Variants in REST observed in about 807,000 individuals in gnomAD.
REST encodes RE1 silencing transcription factor.
REST carries 1 observed loss-of-function variant against 30.4 expected under a neutral mutation model. That is an observed-to-expected ratio of 0.03 (90% CI 0.01 to 0.16). The LOEUF is 0.16. Ranked by LOEUF, REST falls within the 10% of genes least tolerant of loss-of-function variation. REST has a pLI of 1.00. For synonymous variants in REST, 504 were observed against 451.1 expected, an observed-to-expected ratio of 1.12 and a Z score of -1.49; for missense variants, 1,259 against 1,329.5, an observed-to-expected ratio of 0.95 and a Z score of 0.82.
rs1719861239 is a variant in REST at position 56,910,866 on chromosome 4, G to C, written c.228G>C (p.Leu76=). 1.2e-6 allele frequency: 2 copies of C among 1,614,092 alleles called. No individual in the cohort carries two copies. Among genetic ancestry groups the C allele is most frequent in the Admixed American group, 1.7e-5 (1 of 60,000 alleles). Residue 76 remains leucine, a synonymous_variant, in exon 2 of 4, where the codon CTG becomes CTC. Coordinates refer to ENST00000309042, the MANE Select transcript of REST (RefSeq NM_005612.5). ...LVGEERQMAE[L]MPVGDNNFSD... ...GTGAAGAAAGACAGATGGCAGAACT[G>C]ATGCCGGTTGGGGATAACAACTTTT...
At chr4:56,922,270 A>T (rs2109552375) in intron 3 of REST, 1 of 138,744 alleles carries the variant, frequency 7.2e-6, no homozygotes, top group East Asian at 2.1e-4. Flanking sequence ...AATATTTGAG[A>T]GCTTTGTATT....
At position 56,911,074 on chromosome 4, in the gene REST, G is replaced by A; in HGVS notation, c.436G>A (p.Gly146Arg). The change falls in exon 2 of 4, where the codon GGA becomes AGA. Residue 146 changes from glycine to arginine, a missense_variant. Transcript: ENST00000309042. ...SNKDLPPETPGAEDKGKSSKT... is the reference protein window; with the variant it reads ...SNKDLPPETPRAEDKGKSSKT... ...TAAAGATCTTCCCCCTGAAACACCT[G>A]GAGCGGAGGACAAAGGCAAGAGCTC... 1 of 1,614,176 alleles carries A rather than the reference G, an allele frequency of 6.2e-7. No individual in the cohort carries two copies. Among genetic ancestry groups the A allele is most frequent in the Non-Finnish European group, 8.5e-7 (1 of 1,180,024 alleles).
At chr4:56,925,445 C>T (rs186292019) in intron 3 of REST, among the ~76,000 whole-genome samples, 1 of 152,176 alleles carries the variant, frequency 6.6e-6, no homozygotes, top group East Asian at 1.9e-4. Context: ...CTCCTTAGCT[C>T]AAGCAATCTT....
intron 2 of REST, 189 bp downstream of exon 2, chr4:56,911,725 G>T: frequency 1.7e-6 from 1 of 592,956 alleles, no homozygotes; most frequent in East Asian, 2.8e-5. Flanking sequence ...CAATATCTAG[G>T]TTGGGAGGAT....
Position 56,931,578 on chromosome 4 carries a change from C to G in REST, c.2720C>G (p.Pro907Arg), listed in dbSNP as rs1037391182. Residue 907 changes from proline (P) to arginine (R), a missense_variant, in exon 4 of 4, where the codon CCT (proline) becomes CGT (arginine). Physicochemically the swap from Pro to Arg is moderately radical, Grantham distance 103 (BLOSUM62 -2). This residue lies in a region of REST where 856 missense variants were observed against 772.8 expected (regional missense o/e 1.11). Transcript: ENST00000309042. ...GCAGAAGAGGCAGATGAGAGCCTAC[C>G]TGGTCTTGCTGCTAATATCAACGAA... ...VGAEEADESLPGLAANINEST... is the reference protein window; with the variant it reads ...VGAEEADESLRGLAANINEST... The G allele has an allele frequency of 1.2e-6, 2 of 1,614,226 alleles. No individual in the cohort carries two copies. The highest frequency in any genetic ancestry group is 1.7e-6 in the Non-Finnish European group (2 of 1,180,046).
At chr4:56,908,432 T>G (rs2109516022) in intron 1 of REST, among the ~76,000 whole-genome samples, 1 of 149,972 alleles carries the variant, frequency 6.7e-6, no homozygotes, top group Non-Finnish European at 1.5e-5. Context: ...GCTGGGGGCG[T>G]TTGTTGGGAG....
intron 3 of REST, among the ~76,000 whole-genome samples, chr4:56,920,288 G>A (rs376520340): frequency 6.6e-6 from 1 of 151,298 alleles, no homozygotes; most frequent in African/African-American, 2.4e-5. Context: ...TGAAATGAAG[G>A]TTTGTTCTGT....
chr4:56,911,353 A>T lies in REST; in HGVS notation c.715A>T (p.Thr239Ser). 2 of 1,614,150 alleles carry T rather than the reference A, an allele frequency of 1.2e-6. No individual in the cohort carries two copies. The highest frequency in any genetic ancestry group is 1.7e-6 in the Non-Finnish European group (2 of 1,180,036). ...DHYTAHLKHH[T>S]RAGDNERVYK... is the part of the protein sequence containing the mutation. ...CTATACAGCACACCTGAAACACCAC[A>T]CCAGAGCTGGGGATAATGAGCGAGT... Residue 239 changes from threonine to serine, a missense_variant, in exon 2 of 4, where the codon ACC becomes TCC. Coordinates refer to ENST00000309042, the MANE Select transcript of REST (RefSeq NM_005612.5).
chr4:56,914,622 A>G (rs1379688600), intron 2 of REST, among the ~76,000 whole-genome samples: 2 of 152,216 alleles, frequency 1.3e-5, no homozygotes, highest in South Asian at 2.1e-4. Flanking sequence ...CTTACCTACA[A>G]TATCTTAAAT....
intron 2 of REST, among the ~76,000 whole-genome samples, chr4:56,913,945 G>T (rs571255753): frequency 4.1e-5 from 6 of 146,366 alleles, no homozygotes; most frequent in Non-Finnish European, 6.0e-5. Flanking sequence ...CGCCTGGCCA[G>T]TTTTTTTTTT....
Position 56,911,546 on chromosome 4 carries a change from G to C in REST, c.898+10G>C, listed in dbSNP as rs1378556487. 2.5e-6 allele frequency: 4 copies of C among 1,600,424 alleles called. No individual in the cohort carries two copies. The highest frequency in any genetic ancestry group is 2.6e-6 in the Non-Finnish European group (3 of 1,170,414). Reference sequence around the variant, plus strand: ...GTTAGAACTCATACAGGTAAGAGAAGCTTTCTAGTCCATAAGTTCAGTTCT... The same window carrying C: ...GTTAGAACTCATACAGGTAAGAGAACCTTTCTAGTCCATAAGTTCAGTTCT... On this transcript the variant is annotated intron_variant, in intron 2 of 3. Coordinates refer to ENST00000309042, the MANE Select transcript of REST (RefSeq NM_005612.5).
intron 2 of REST, among the ~76,000 whole-genome samples, chr4:56,917,597 G>A (rs1472230876): frequency 6.6e-6 from 1 of 152,220 alleles, no homozygotes; most frequent in Non-Finnish European, 1.5e-5. Context: ...GCCAGACACA[G>A]TGTTAAATGC....
At chr4:56,919,755 T>G (rs773945056) in intron 2 of REST, 32 bp from the exon 3 acceptor site, 3 of 1,363,448 alleles carry the variant, frequency 2.2e-6, no homozygotes, top group Non-Finnish European at 3.1e-6. Context: ...TTCGTGACAT[T>G]TAAACACTCT....
intron 3 of REST, among the ~76,000 whole-genome samples, chr4:56,923,697 C>G (rs1720553584): frequency 6.6e-6 from 1 of 151,420 alleles, no homozygotes; most frequent in Admixed American, 6.6e-5. Context: ...CCGCGCCTGG[C>G]TGGAACTATT....
At chr4:56,918,229 T>A (rs547623850) in intron 2 of REST, among the ~76,000 whole-genome samples, 1 of 150,812 alleles carries the variant, frequency 6.6e-6, no homozygotes, top group East Asian at 1.9e-4. Context: ...TGGTGGCTCA[T>A]GCCCGTAATC....
chr4:56,913,685 G>A (rs781659), intron 2 of REST, among the ~76,000 whole-genome samples: 88,461 of 151,916 alleles, frequency 0.58, 25,885 homozygotes, highest in Admixed American at 0.64. Context: ...ATCTCCCTCT[G>A]TGCCCCAGGC....
chr4:56,930,787 G>C lies in REST; in HGVS notation c.1929G>C (p.Gln643His), dbSNP rs763778581. The change falls in exon 4 of 4, where the codon CAG becomes CAC. Residue 643 changes from glutamine to histidine, a missense_variant. Gln to His is a conservative substitution (Grantham distance 24). Transcript: ENST00000309042. ...PMEHAQMEGA[Q>H]IRPAPDEPVQ... ...AGCATGCTCAGATGGAGGGTGCCCA[G>C]ATACGGCCTGCTCCTGACGAGCCTG... is the stretch of plus-strand genomic sequence containing the variant. 32 of 1,605,980 alleles carry C rather than the reference G, an allele frequency of 2.0e-5. No individual in the cohort carries two copies. Among genetic ancestry groups the C allele is most frequent in the Non-Finnish European group, 2.7e-5 (32 of 1,176,350 alleles).
chr4:56,929,006 C>T (rs115944413), intron 3 of REST, among the ~76,000 whole-genome samples: 44 of 152,246 alleles, frequency 2.9e-4, no homozygotes, highest in African/African-American at 9.9e-4. Context: ...TTAAGCGGTC[C>T]TCCCGCCTTT....
At chr4:56,922,305 A>T (rs1720489321) in intron 3 of REST, 1 of 134,182 alleles carries the variant, frequency 7.5e-6, no homozygotes. Context: ...TATTATTATT[A>T]TTATTATTAC....
Sources: gnomAD v4.1 joint callset for allele counts (sites outside exome capture counted in the v4.1 genomes callset) on GRCh38, gnomAD v4.1.1 for gene constraint, gnomAD v4.1.1 regional missense constraint, MANE v1.5 for transcripts, NCBI Gene and HGNC (gene_info 2026-07-23, HGNC 2026-07-21) for gene names.